Variants in ELAVL4 observed in about 807,000 individuals in gnomAD.
ELAVL4 encodes the protein ELAV-like protein 4.
Under a neutral mutation model 35.6 loss-of-function variants are expected in ELAVL4, and 1 was observed. The observed-to-expected ratio is 0.03, with a 90% CI of 0.01 to 0.13. The LOEUF (loss-of-function observed/expected upper bound fraction) is 0.13. Among genes scored for constraint, ELAVL4 ranks in the 10% least tolerant of loss-of-function variants. The pLI, the probability that ELAVL4 is intolerant of heterozygous loss-of-function variation, is 1.00. For synonymous variants in ELAVL4, 156 were observed against 171.0 expected (o/e 0.91, Z 0.69); for missense variants, 267 against 464.9 (o/e 0.57, Z 3.91).
In ELAVL4 at chr1:50,202,942, G is replaced by A. The variant is rs1644444326; in HGVS notation, c.*1764G>A. 6.6e-6 allele frequency: 1 copy of A among 151,988 alleles called. No homozygotes were observed. The highest frequency in any genetic ancestry group is 2.4e-5 in the African/African-American group (1 of 41,388). 9.4% of individuals were successfully genotyped at this position (151,988 alleles called of 1,614,324 possible). On this transcript the variant is annotated 3_prime_UTR_variant, in exon 7 of 7. Coordinates refer to ENST00000371824, the MANE Select transcript of ELAVL4 (RefSeq NM_001144774.3). ...TTGGGGAAAACAAAACAGAGCTAAG[G>A]GAACAAAATGACTGAGGGAGCACTC... is the stretch of plus-strand genomic sequence containing the variant.
At chr1:50,092,400 G>T (rs1665535179) in intron 1 of ELAVL4, among the ~76,000 whole-genome samples, 1 of 152,170 alleles carries the variant, frequency 6.6e-6, no homozygotes, top group Non-Finnish European at 1.5e-5. Context: ...GGATGTTCTG[G>T]CATGTTTCGG....
chr1:50,101,924 G>C (rs1469074068), upstream of ELAVL4, among the ~76,000 whole-genome samples: 1 of 152,190 alleles, frequency 6.6e-6, no homozygotes, highest in South Asian at 2.1e-4. Flanking sequence ...TATGTCAAGT[G>C]CCTAATACAG....
intron 1 of ELAVL4, among the ~76,000 whole-genome samples, chr1:50,092,092 G>A (rs1364444883): frequency 2.0e-5 from 3 of 152,180 alleles, no homozygotes; most frequent in Admixed American, 2.0e-4. Flanking sequence ...CAGATACAGA[G>A]ATAAATAAGG....
At chr1:50,049,277 T>A (rs2148466254) in intron 1 of ELAVL4, among the ~76,000 whole-genome samples, 1 of 152,312 alleles carries the variant, frequency 6.6e-6, no homozygotes, top group East Asian at 1.9e-4. Context: ...CCTCACATTA[T>A]CCTCCTGCAT....
intron 1 of ELAVL4, among the ~76,000 whole-genome samples, chr1:50,054,373 T>C (rs2148470750): frequency 6.6e-6 from 1 of 152,274 alleles, no homozygotes; most frequent in South Asian, 2.1e-4. Flanking sequence ...TGCCCAACCA[T>C]TGTCACTCCC....
At chr1:50,134,463 G>A (rs1171554153) in intron 1 of ELAVL4, among the ~76,000 whole-genome samples, 1 of 152,044 alleles carries the variant, frequency 6.6e-6, no homozygotes, top group African/African-American at 2.4e-5. Context: ...TTATTATTAG[G>A]CATTTTAGTT....
chr1:50,063,662 C>T (rs558256331), intron 1 of ELAVL4, among the ~76,000 whole-genome samples: 1 of 152,328 alleles, frequency 6.6e-6, no homozygotes, highest in East Asian at 1.9e-4. Flanking sequence ...AGGTGCTCCT[C>T]TCTTCCCAGT....
intron 1 of ELAVL4, among the ~76,000 whole-genome samples, chr1:50,078,422 G>A (rs985445225): frequency 3.3e-5 from 5 of 151,884 alleles, no homozygotes; most frequent in South Asian, 2.1e-4. Context: ...TCAGGTTGCC[G>A]TCTGCCAAAC....
upstream of ELAVL4, chr1:50,106,164 A>G (rs1666287624): frequency 1.1e-5 from 6 of 536,096 alleles, no homozygotes; most frequent in East Asian, 8.9e-5. Context: ...TTCCTAGCCC[A>G]TTGTGCCACG....
chr1:50,180,028 A>G (rs565484876), intron 3 of ELAVL4: 1 of 152,316 alleles, frequency 6.6e-6, no homozygotes, highest in East Asian at 1.9e-4. Flanking sequence ...AATTTTTAAA[A>G]GCTAGAAAAT....
At chr1:50,133,611 G>GAA (rs1220490690) in intron 1 of ELAVL4, among the ~76,000 whole-genome samples, 1 of 131,490 alleles carries the variant, frequency 7.6e-6, no homozygotes, top group African/African-American at 3.1e-5. Context: ...AAGAAAGAAA[G>GAA]AAAGAAAGAA....
chr1:50,203,530 G>C lies in ELAVL4; in HGVS notation c.*2352G>C, dbSNP rs2148904514. ...TTGATGCATTTGCTAAGCATTAGTG[G>C]GAAAGGCATGCCAAAATCTTCTCTA... is the stretch of plus-strand genomic sequence containing the variant. On this transcript the variant is annotated 3_prime_UTR_variant, in exon 7 of 7. Transcript: ENST00000371824. 6.6e-6 allele frequency: 1 copy of C among 152,034 alleles called. No individual in the cohort carries two copies. The highest frequency in any genetic ancestry group is 6.5e-5 in the Admixed American group (1 of 15,268). The allele number at this position is 152,034 out of a possible 1,614,324, so 9.4% of individuals were successfully genotyped here. A position where few individuals can be genotyped will look rare whatever the true frequency, so the allele number is the denominator to read the frequency against.
At chr1:50,112,634 G>T (rs573824103) in intron 1 of ELAVL4, among the ~76,000 whole-genome samples, 1 of 152,216 alleles carries the variant, frequency 6.6e-6, no homozygotes, top group Middle Eastern at 3.4e-3. Flanking sequence ...AATTAACATA[G>T]ATGAGGAAGT....
chr1:50,152,215 G>A (rs1674914797), intron 2 of ELAVL4, among the ~76,000 whole-genome samples: 1 of 152,106 alleles, frequency 6.6e-6, no homozygotes, highest in African/African-American at 2.4e-5. Flanking sequence ...TTCCAAATCA[G>A]ACAGTTCTGC....
At chr1:50,121,894 A>G (rs1438618201) in intron 1 of ELAVL4, among the ~76,000 whole-genome samples, 1 of 152,070 alleles carries the variant, frequency 6.6e-6, no homozygotes, top group East Asian at 1.9e-4. Context: ...CTGGAATGTA[A>G]TAATAAAAGT....
chr1:50,165,598 G>T (rs973753281), intron 2 of ELAVL4, among the ~76,000 whole-genome samples: 3 of 146,444 alleles, frequency 2.0e-5, no homozygotes, highest in Non-Finnish European at 3.0e-5. Context: ...ACATATATAC[G>T]TGTATGTATA....
chr1:50,088,400 C>T (rs1371292406), intron 1 of ELAVL4, among the ~76,000 whole-genome samples: 2 of 152,146 alleles, frequency 1.3e-5, no homozygotes, highest in Admixed American at 6.5e-5. Flanking sequence ...CCATCTGAAC[C>T]ATAGAATCCT....
intron 1 of ELAVL4, among the ~76,000 whole-genome samples, chr1:50,112,130 G>A (rs1052871216): frequency 1.3e-5 from 2 of 151,768 alleles, no homozygotes; most frequent in Non-Finnish European, 2.9e-5. Context: ...CTTATTAGGG[G>A]ATTTAAAAAT....
chr1:50,092,735 A>G (rs556885809), intron 1 of ELAVL4, among the ~76,000 whole-genome samples: 8 of 152,302 alleles, frequency 5.3e-5, no homozygotes, highest in Admixed American at 2.0e-4. Flanking sequence ...AGTGAGCCCA[A>G]GAGAATATGA....
Sources: allele counts gnomAD v4.1 joint callset (sites outside exome capture counted in the v4.1 genomes callset), GRCh38; gene constraint gnomAD v4.1.1; transcripts MANE v1.5; gene names NCBI Gene and HGNC (gene_info 2026-07-23, HGNC 2026-07-21).